GRIA2: variants seen among roughly 807,000 people sequenced by gnomAD.
GRIA2 encodes glutamate receptor 2.
In GRIA2, 14 loss-of-function variants were observed where a neutral mutation model predicts 97.3. That is an observed-to-expected ratio of 0.14 (90% CI 0.10 to 0.23). The LOEUF (loss-of-function observed/expected upper bound fraction) is 0.23, where lower values mean the gene tolerates loss of function less well. Ranked by LOEUF, GRIA2 falls within the 10% of genes least tolerant of loss-of-function variation. The pLI, the probability that GRIA2 is intolerant of heterozygous loss-of-function variation, is 1.00. For synonymous variants in GRIA2, 412 were observed against 387.8 expected, an observed-to-expected ratio of 1.06 and a Z score of -0.73; for missense variants, 558 against 1,069.8, an observed-to-expected ratio of 0.52 and a Z score of 6.67.
intron 2 of GRIA2, among the ~76,000 whole-genome samples, chr4:157,287,207 T>A (rs939424174): frequency 1.3e-5 from 2 of 151,734 alleles, no homozygotes; most frequent in African/African-American, 4.8e-5. Flanking sequence ...GTTTAATAGT[T>A]AAATTTATTA....
At chr4:157,272,234 G>A (rs568979948) in intron 2 of GRIA2, among the ~76,000 whole-genome samples, 5 of 152,146 alleles carry the variant, frequency 3.3e-5, no homozygotes, top group South Asian at 2.1e-4. Context: ...AGGACTTCTC[G>A]TTTCCAGACT....
rs1331834431 is a variant in GRIA2, at chr4:157,296,479, A to G, written c.230-7073A>G. ...GGATATTGCAGAGAATACAAAAATT[A>G]TTGTGGTTTATTTATTGTCAATAAC... On this transcript the variant is annotated intron_variant, in intron 2 of 15. Coordinates refer to ENST00000264426, the MANE Select transcript of GRIA2 (RefSeq NM_001083619.3). 3.3e-5 allele frequency among the ~76,000 whole-genome samples: 5 copies of G among 152,160 alleles called. No individual in the cohort carries two copies. In the East Asian group the frequency reaches 9.6e-4, roughly 29 times the overall value.
In GRIA2 at chr4:157,314,028, T is replaced by C. The variant is rs2126888779; in HGVS notation, c.666+1153T>C. 2.0e-5 allele frequency among the ~76,000 whole-genome samples: 3 copies of C among 152,244 alleles called. No individual in the cohort carries two copies. In the East Asian group the frequency reaches 5.8e-4, roughly 29 times the overall value. ...AGCCTTCATCATCATCATCTTCACA[T>C]TGAGTAGGCTGTAAAGGAGAAGGAA... On this transcript the variant is annotated intron_variant, in intron 4 of 15. Transcript: ENST00000264426.
chr4:157,232,866 A>G (rs1730084039), intron 2 of GRIA2, among the ~76,000 whole-genome samples: 1 of 152,206 alleles, frequency 6.6e-6, no homozygotes, highest in South Asian at 2.1e-4. Context: ...TAGTCCTTGT[A>G]CTAGATGTAT....
chr4:157,315,433 A>T (rs186680174), intron 4 of GRIA2, among the ~76,000 whole-genome samples: 1 of 151,460 alleles, frequency 6.6e-6, no homozygotes, highest in Admixed American at 6.6e-5. Context: ...TTTTCAAGAC[A>T]ACAGAGATGA....
intron 2 of GRIA2, among the ~76,000 whole-genome samples, chr4:157,262,462 T>A (rs1174223832): frequency 6.6e-6 from 1 of 152,032 alleles, no homozygotes; most frequent in African/African-American, 2.4e-5. Flanking sequence ...GGAAGAAGAT[T>A]GTTACTTTCC....
At chr4:157,238,189 C>T (rs1028674746) in intron 2 of GRIA2, among the ~76,000 whole-genome samples, 16 of 152,068 alleles carry the variant, frequency 1.1e-4, no homozygotes, top group African/African-American at 3.4e-4. Context: ...AACTGGAATA[C>T]TAAATAAAAT....
At chr4:157,244,106 A>C (rs1730626476) in intron 2 of GRIA2, among the ~76,000 whole-genome samples, 4 of 152,000 alleles carry the variant, frequency 2.6e-5, no homozygotes, top group Admixed American at 2.6e-4. Context: ...AACCAGCTGG[A>C]CATATGAAGA....
At chr4:157,290,499 T>A (rs1013844529) in intron 2 of GRIA2, among the ~76,000 whole-genome samples, 6 of 139,024 alleles carry the variant, frequency 4.3e-5, no homozygotes, top group African/African-American at 1.2e-4. Flanking sequence ...GTTACATCAC[T>A]GCTTTTTTTT....
rs1736829206 is a variant in GRIA2 at position 157,365,148 on chromosome 4, G to C, written c.*1717G>C. On this transcript the variant is annotated 3_prime_UTR_variant, in exon 16 of 16. Transcript: ENST00000264426. ...ACATTCTTACTTACCGTATTTCATA[G>C]AAGGGAAGGAAAAATGTAAGGTTTA... The C allele has an allele frequency of 2.0e-5, 3 of 151,628 alleles. No individual in the cohort carries two copies. 9.4% of individuals were successfully genotyped at this position (151,628 alleles called of 1,614,324 possible). A position where few individuals can be genotyped will look rare whatever the true frequency, so the allele number is the denominator to read the frequency against.
upstream of GRIA2, chr4:157,220,423 G>T (rs1429008359): frequency 2.6e-5 from 4 of 152,258 alleles, no homozygotes; most frequent in East Asian, 5.9e-4. Context: ...CGAGGCGCGC[G>T]GTGGGCGCGA....
At chr4:157,235,704 T>C (rs1238994105) in intron 2 of GRIA2, among the ~76,000 whole-genome samples, 1 of 152,058 alleles carries the variant, frequency 6.6e-6, no homozygotes, top group Admixed American at 6.6e-5. Flanking sequence ...TCGCATCATA[T>C]TTGGAGATGA....
intron 2 of GRIA2, among the ~76,000 whole-genome samples, chr4:157,294,044 A>G: frequency 6.6e-6 from 1 of 152,162 alleles, no homozygotes; most frequent in East Asian, 1.9e-4. Flanking sequence ...GTACTATGGC[A>G]CATGCGCAGG....
intron 1 of GRIA2, chr4:157,221,418 C>A (rs1267400732): frequency 3.5e-6 from 2 of 575,258 alleles, no homozygotes; most frequent in East Asian, 2.9e-5. Flanking sequence ...GGTCTGAATG[C>A]AAAGCTTGTG....
chr4:157,278,404 C>A (rs1431772011), intron 2 of GRIA2, among the ~76,000 whole-genome samples: 2 of 151,812 alleles, frequency 1.3e-5, no homozygotes, highest in Non-Finnish European at 2.9e-5. Flanking sequence ...GGTGCAGGAA[C>A]AACGGAATAT....
intron 15 of GRIA2, 27 bp from the exon 16 acceptor site, chr4:157,363,408 C>A (rs1342010386): frequency 8.1e-7 from 1 of 1,237,048 alleles, no homozygotes; most frequent in Non-Finnish European, 1.0e-6. Context: ...ATTTCTTTTT[C>A]TTTCTTTCCC....
At chr4:157,294,520 TA>T (rs1733254729) in intron 2 of GRIA2, among the ~76,000 whole-genome samples, 1 of 151,746 alleles carries the variant, frequency 6.6e-6, no homozygotes, top group East Asian at 1.9e-4. Context: ...GGAAGAAATG[TA>T]AAACAAAGAG....
At chr4:157,337,767 A>G (rs545989989) in intron 11 of GRIA2, among the ~76,000 whole-genome samples, 2 of 151,808 alleles carry the variant, frequency 1.3e-5, no homozygotes, top group South Asian at 4.2e-4. Flanking sequence ...TCTTTTTAGT[A>G]TATTTCACTG....
At chr4:157,347,995 G>A (rs979651266) in intron 12 of GRIA2, among the ~76,000 whole-genome samples, 22 of 151,828 alleles carry the variant, frequency 1.4e-4, no homozygotes, top group South Asian at 4.2e-4. Flanking sequence ...GTGACGGCAC[G>A]TGCCCAGCTA....
Sources: gnomAD v4.1 joint callset for allele counts (sites outside exome capture counted in the v4.1 genomes callset) on GRCh38, gnomAD v4.1.1 for gene constraint, MANE v1.5 for transcripts, NCBI Gene and HGNC (gene_info 2026-07-23, HGNC 2026-07-21) for gene names.